The following ACTL6B variants were observed in gnomAD, a reference collection of about 807,000 sequenced individuals.
ACTL6B encodes the protein actin-like protein 6B.
Under a neutral mutation model 63.3 loss-of-function variants are expected in ACTL6B, and 48 were observed. That is an observed-to-expected ratio of 0.76 (90% CI 0.60 to 0.96). The LOEUF (loss-of-function observed/expected upper bound fraction) is 0.96. Among genes scored for constraint, ACTL6B ranks in the 50% least tolerant of loss-of-function variants. The pLI is 0.00. For synonymous variants in ACTL6B, 230 were observed against 223.8 expected (o/e 1.03, Z -0.25); for missense variants, 350 against 572.2 (o/e 0.61, Z 3.96).
chr7:100,649,589 C>T (rs183181128), intron 5 of ACTL6B, among the ~76,000 whole-genome samples: 9 of 152,344 alleles, frequency 5.9e-5, no homozygotes, highest in East Asian at 3.9e-4. Flanking sequence ...TGAGCCACCG[C>T]GCCTGGCCAG....
chr7:100,655,403 T>A lies in ACTL6B; in HGVS notation c.268+18A>T, dbSNP rs1382244489. On this transcript the variant is annotated intron_variant, in intron 3 of 13. Coordinates refer to ENST00000160382, the MANE Select transcript of ACTL6B (RefSeq NM_016188.5). This position sits in a 1 kb window ranked among gnomAD's most constrained non-coding sequence, Gnocchi z 4.4. ...GGGCTCCTTTTCTGTCAGGAGGTGATGGGTGGGGGCCCCTTACTCATGCCA... is the reference window on the plus strand; with the variant it reads ...GGGCTCCTTTTCTGTCAGGAGGTGAAGGGTGGGGGCCCCTTACTCATGCCA... The A allele has an allele frequency of 6.2e-7, 1 of 1,611,006 alleles. No individual in the cohort carries two copies. The highest frequency in any genetic ancestry group is 8.5e-7 in the Non-Finnish European group (1 of 1,178,416).
intron 4 of ACTL6B, among the ~76,000 whole-genome samples, chr7:100,652,999 C>CATA (rs1803969036): frequency 3.9e-5 from 1 of 25,930 alleles, no homozygotes; most frequent in Non-Finnish European, 6.2e-5. Flanking sequence ...AACTCCGTCT[C>CATA]AAAAAAAAAA....
chr7:100,646,263 T>C lies in ACTL6B; in HGVS notation c.1186A>G (p.Ile396Val), dbSNP rs374682141. ...TTTCCTCTCACCAGTGAGGCCAGGA[T>C]GGAACCCCCGATCCAGGGGCTGAAC... ...RKFSPWIGGS[I>V]LASLGTFQQM... Residue 396 changes from isoleucine to valine, a missense_variant, in exon 13 of 14, where the codon ATC becomes GTC. Physicochemically the swap from Ile to Val is conservative, Grantham distance 29. Coordinates refer to ENST00000160382, the MANE Select transcript of ACTL6B (RefSeq NM_016188.5). The surrounding 1 kb of genome is among the most constrained non-coding windows in gnomAD (Gnocchi z 6.1). The C allele has an allele frequency of 1.1e-5, 18 of 1,613,900 alleles. No individual in the cohort carries two copies. Among genetic ancestry groups the C allele is most frequent in the Non-Finnish European group, 1.5e-5 (18 of 1,179,976 alleles).
chr7:100,652,799 G>A (rs1460651937), intron 4 of ACTL6B, among the ~76,000 whole-genome samples: 3 of 150,110 alleles, frequency 2.0e-5, no homozygotes, highest in Non-Finnish European at 3.0e-5. Flanking sequence ...TCAAGAGATC[G>A]AGACCATCCC....
Position 100,646,859 on chromosome 7 carries a change from G to A in ACTL6B, c.937-28C>T. On this transcript the variant is annotated intron_variant, in intron 10 of 13. Transcript: ENST00000160382. This position sits in a 1 kb window ranked among gnomAD's most constrained non-coding sequence, Gnocchi z 6.1. ...GCAGAGAGAGGTGACTGGGGCTGTGGGCTCTCTCCCCCTTCCCCCCAGACC... is the reference window on the plus strand; with the variant it reads ...GCAGAGAGAGGTGACTGGGGCTGTGAGCTCTCTCCCCCTTCCCCCCAGACC... The A allele has an allele frequency of 1.9e-6, 3 of 1,606,328 alleles. No individual in the cohort carries two copies. In the South Asian group the frequency reaches 3.3e-5, roughly 18 times the overall value.
intron 4 of ACTL6B, 123 bp downstream of exon 4, chr7:100,654,896 A>G: frequency 2.6e-6 from 2 of 762,262 alleles, no homozygotes; most frequent in South Asian, 3.3e-5. Context: ...GGGTGAGGGG[A>G]GTCTGAAAAG....
chr7:100,646,817 G>A lies in ACTL6B; in HGVS notation c.951C>T (p.Asn317=), dbSNP rs762675826. The change falls in exon 11 of 14, where the codon AAC becomes AAT. Residue 317 remains asparagine (N), a synonymous_variant. Coordinates refer to ENST00000160382, the MANE Select transcript of ACTL6B (RefSeq NM_016188.5). This position sits in a 1 kb window ranked among gnomAD's most constrained non-coding sequence, Gnocchi z 6.1. ...CCACGTGGCCCACACCCAACATGGT[G>A]TTCCCCGACAGGCCCTGCAGAGAGA... ...DPSNVKGLSG[N]TMLGVGHVVT... 1.2e-5 allele frequency: 19 copies of A among 1,612,914 alleles called. No individual in the cohort carries two copies. The highest frequency in any genetic ancestry group is 1.4e-5 in the Non-Finnish European group (17 of 1,179,860).
At position 100,647,113 on chromosome 7, in the gene ACTL6B, TG is replaced by T. The variant is rs1803838428; in HGVS notation, c.822-29del. On this transcript the variant is annotated intron_variant, in intron 9 of 13. Transcript: ENST00000160382. This position sits in a 1 kb window ranked among gnomAD's most constrained non-coding sequence, Gnocchi z 4.4. ...ACCCAGAAGGGAGCAGGACTCTGCC[TG>T]GGGTGCTCAAGAAGGATCAGTGCGT... The T allele has an allele frequency of 6.2e-7, 1 of 1,612,810 alleles. No homozygotes were observed. The highest frequency in any genetic ancestry group is 1.3e-5 in the African/African-American group (1 of 74,872).
intron 5 of ACTL6B, 182 bp downstream of exon 5, chr7:100,649,856 C>G (rs1240824025): frequency 1.8e-6 from 1 of 569,500 alleles, no homozygotes; most frequent in Non-Finnish European, 3.1e-6. Flanking sequence ...CTGGCCACCC[C>G]AGAGTCGGAG....
chr7:100,643,427 C>A, intron 13 of ACTL6B, 101 bp from the exon 14 acceptor site: 6 of 1,212,674 alleles, frequency 4.9e-6, no homozygotes, highest in Non-Finnish European at 4.8e-6. Context: ...CCAACCACCC[C>A]TTGGGTTCAC....
rs1245917504 is a variant in ACTL6B at position 100,646,692 on chromosome 7, C to A, written c.1018-46G>T. 5 of 1,613,036 alleles carry A rather than the reference C, an allele frequency of 3.1e-6. No individual in the cohort carries two copies. Among genetic ancestry groups the A allele is most frequent in the Non-Finnish European group, 3.4e-6 (4 of 1,179,568 alleles). On this transcript the variant is annotated intron_variant, in intron 11 of 13. Transcript: ENST00000160382. The surrounding 1 kb of genome is among the most constrained non-coding windows in gnomAD (Gnocchi z 6.1). ...TGAGCTGCGGGGGCAGCCCCCCAACCCCGTCTCCCCACTTCCCCTGGGCCC... is the reference window on the plus strand; with the variant it reads ...TGAGCTGCGGGGGCAGCCCCCCAACACCGTCTCCCCACTTCCCCTGGGCCC...
Position 100,643,208 on chromosome 7 carries a change from A to G in ACTL6B, c.*38T>C, listed in dbSNP as rs759699760. On this transcript the variant is annotated 3_prime_UTR_variant, in exon 14 of 14. Coordinates refer to ENST00000160382, the MANE Select transcript of ACTL6B (RefSeq NM_016188.5). ...GTGGCATGGGGGTTAAGGGACTTCCATCTGAGCTTGGGAGCAGGTGTGTGG... is the reference window on the plus strand; with the variant it reads ...GTGGCATGGGGGTTAAGGGACTTCCGTCTGAGCTTGGGAGCAGGTGTGTGG... The G allele has an allele frequency of 4.4e-6, 7 of 1,606,122 alleles. No homozygotes were observed. The highest frequency in any genetic ancestry group is 3.3e-5 in the South Asian group (3 of 90,862).
In ACTL6B at chr7:100,655,123, G is replaced by A. The variant is rs770674439; in HGVS notation, c.269-4C>T. 6.2e-7 allele frequency: 1 copy of A among 1,612,286 alleles called. No individual in the cohort carries two copies. The highest frequency in any genetic ancestry group is 8.5e-7 in the Non-Finnish European group (1 of 1,178,578). On this transcript the variant is annotated splice_region_variant and splice_polypyrimidine_tract_variant and intron_variant, in intron 3 of 13. Coordinates refer to ENST00000160382, the MANE Select transcript of ACTL6B (RefSeq NM_016188.5). This position sits in a 1 kb window ranked among gnomAD's most constrained non-coding sequence, Gnocchi z 4.4. ...CGGAAGCACTCCCAGTCCTCGACTG[G>A]GGCCAGAAGAGCAGCGTGCAGAGAC...
At chr7:100,656,021 G>T (rs1235398438) in intron 1 of ACTL6B, 142 bp from the exon 2 acceptor site, 1 of 880,456 alleles carries the variant, frequency 1.1e-6, no homozygotes, top group Non-Finnish European at 1.7e-6. Flanking sequence ...CCTGGAGTCC[G>T]AGGTCCTGGG....
At chr7:100,645,303 A>G (rs1303278873) in intron 13 of ACTL6B, among the ~76,000 whole-genome samples, 3 of 152,084 alleles carry the variant, frequency 2.0e-5, no homozygotes, top group African/African-American at 7.2e-5. Context: ...CGAACCCAGC[A>G]GCAGGTCCAG....
At chr7:100,654,194 G>C (rs1803994370) in intron 4 of ACTL6B, among the ~76,000 whole-genome samples, 2 of 151,770 alleles carry the variant, frequency 1.3e-5, no homozygotes, top group Non-Finnish European at 2.9e-5. Flanking sequence ...GGATGGTCTT[G>C]ATCTCTTGAC....
chr7:100,654,785 A>T (rs544426119), intron 4 of ACTL6B, among the ~76,000 whole-genome samples: 182 of 151,834 alleles, frequency 1.2e-3, no homozygotes, highest in Admixed American at 3.5e-3. Flanking sequence ...AAAAAAATTT[A>T]AAAAGGACTT....
At position 100,655,420 on chromosome 7, in the gene ACTL6B, C is replaced by T; in HGVS notation, c.268+1G>A. The T allele has an allele frequency of 6.2e-7, 1 of 1,613,580 alleles. No homozygotes were observed. The highest frequency in any genetic ancestry group is 8.5e-7 in the Non-Finnish European group (1 of 1,179,676). On this transcript the variant is annotated splice_donor_variant, in intron 3 of 13. Coordinates refer to ENST00000160382, the MANE Select transcript of ACTL6B (RefSeq NM_016188.5). LOFTEE classifies it high-confidence loss of function. The surrounding 1 kb of genome is among the most constrained non-coding windows in gnomAD (Gnocchi z 4.4). ...GGAGGTGATGGGTGGGGGCCCCTTACTCATGCCATTCTTGAGGGGCGACAT... is the reference window on the plus strand; with the variant it reads ...GGAGGTGATGGGTGGGGGCCCCTTATTCATGCCATTCTTGAGGGGCGACAT...
At chr7:100,652,732 G>C (rs1008190099) in intron 4 of ACTL6B, among the ~76,000 whole-genome samples, 1 of 151,988 alleles carries the variant, frequency 6.6e-6, no homozygotes, top group African/African-American at 2.4e-5. Flanking sequence ...GGCTGGGATG[G>C]TGGCTTACGC....
Sources: allele counts gnomAD v4.1 joint callset (sites outside exome capture counted in the v4.1 genomes callset), GRCh38; gene constraint gnomAD v4.1.1; non-coding constraint Gnocchi (gnomAD v3.1); transcripts MANE v1.5; gene names NCBI Gene and HGNC (gene_info 2026-07-23, HGNC 2026-07-21).